ADAM23: variants seen among roughly 807,000 people sequenced by gnomAD.
ADAM23 encodes disintegrin and metalloproteinase domain-containing protein 23.
Under a neutral mutation model 120.1 loss-of-function variants are expected in ADAM23, and 33 were observed. The ratio of observed to expected loss-of-function variants is 0.27; its 90% confidence interval spans 0.21 to 0.37. The LOEUF (loss-of-function observed/expected upper bound fraction) is 0.37. ADAM23 is among the 10% of genes least tolerant of loss of function. ADAM23 has a pLI of 1.00. For missense variants in ADAM23, 862 were observed against 1,058.2 expected (o/e 0.81, Z 2.57); for synonymous variants, 367 against 375.2 (o/e 0.98, Z 0.25).
At chr2:206,560,401 G>C (rs762341987) in intron 11 of ADAM23, among the ~76,000 whole-genome samples, 3 of 151,844 alleles carry the variant, frequency 2.0e-5, no homozygotes, top group Admixed American at 2.0e-4. Context: ...TACTGGCAGC[G>C]GGCATGACAT....
At chr2:206,462,696 C>T (rs1695450915) in intron 2 of ADAM23, among the ~76,000 whole-genome samples, 1 of 152,040 alleles carries the variant, frequency 6.6e-6, no homozygotes, top group Admixed American at 6.6e-5. Context: ...GGAGCTCCTG[C>T]TTGGCATACA....
intron 2 of ADAM23, among the ~76,000 whole-genome samples, chr2:206,473,265 A>C (rs1401621245): frequency 6.6e-6 from 1 of 152,194 alleles, no homozygotes; most frequent in Non-Finnish European, 1.5e-5. Context: ...CTATTAAATA[A>C]ATCCTAGAAG....
chr2:206,530,594 C>T (rs892635575), intron 3 of ADAM23, among the ~76,000 whole-genome samples: 3 of 126,540 alleles, frequency 2.4e-5, no homozygotes, highest in Admixed American at 9.3e-5. Context: ...CCAGCCTGGG[C>T]GACAGGGCGA....
chr2:206,593,064 C>CTG (rs1698455696), intron 22 of ADAM23, among the ~76,000 whole-genome samples: 1 of 152,084 alleles, frequency 6.6e-6, no homozygotes, highest in African/African-American at 2.4e-5. Flanking sequence ...ATTTTGAACA[C>CTG]TGTGTGTGTA....
intron 3 of ADAM23, among the ~76,000 whole-genome samples, chr2:206,521,851 A>G (rs541846247): frequency 6.6e-6 from 1 of 152,142 alleles, no homozygotes; most frequent in Non-Finnish European, 1.5e-5. Context: ...TTTGATACCT[A>G]TTGCCAAATT....
At chr2:206,538,444 G>A (rs1428050618) in intron 4 of ADAM23, among the ~76,000 whole-genome samples, 1 of 152,150 alleles carries the variant, frequency 6.6e-6, no homozygotes, top group Non-Finnish European at 1.5e-5. Flanking sequence ...AATCATTTGA[G>A]TATAGTGTCA....
intron 3 of ADAM23, among the ~76,000 whole-genome samples, chr2:206,500,063 G>A (rs747990563): frequency 2.0e-5 from 3 of 152,032 alleles, no homozygotes; most frequent in East Asian, 1.9e-4. Context: ...AATATTGCAC[G>A]ACTTGTTTGA....
chr2:206,595,975 G>A (rs990621220), intron 23 of ADAM23, 76 bp from the exon 24 acceptor site: 10 of 1,154,540 alleles, frequency 8.7e-6, no homozygotes, highest in Admixed American at 2.4e-5. Flanking sequence ...CCCTGCCCCC[G>A]TGTCTCTTTT....
intron 3 of ADAM23, among the ~76,000 whole-genome samples, chr2:206,490,385 C>G (rs57851121): frequency 0.044 from 6,709 of 152,280 alleles, 510 homozygotes; most frequent in African/African-American, 0.15. Flanking sequence ...GTGAGACATT[C>G]AGCATTAAGT....
intron 3 of ADAM23, among the ~76,000 whole-genome samples, chr2:206,508,234 T>C (rs1011316400): frequency 2.6e-5 from 4 of 152,144 alleles, no homozygotes; most frequent in South Asian, 4.1e-4. Context: ...TTTCACCGTG[T>C]TAGCCAGGAT....
chr2:206,484,464 T>C (rs758863770), intron 3 of ADAM23, among the ~76,000 whole-genome samples: 22 of 152,194 alleles, frequency 1.4e-4, no homozygotes, highest in Non-Finnish European at 3.1e-4. Context: ...TGGAGTGCTT[T>C]GTCACTGCAG....
chr2:206,516,233 TAAAA>T (rs1192850018), intron 3 of ADAM23, among the ~76,000 whole-genome samples: 1 of 123,308 alleles, frequency 8.1e-6, no homozygotes, highest in African/African-American at 3.0e-5. Context: ...GCATTTTTAT[TAAAA>T]AAAAAAAAAA....
chr2:206,585,798 G>C (rs1341529198), intron 18 of ADAM23, among the ~76,000 whole-genome samples: 1 of 151,828 alleles, frequency 6.6e-6, no homozygotes, highest in Non-Finnish European at 1.5e-5. Context: ...TGAATTGTCA[G>C]TTGGTGATAA....
intron 3 of ADAM23, among the ~76,000 whole-genome samples, chr2:206,510,834 G>A (rs1379431582): frequency 6.6e-6 from 1 of 152,192 alleles, no homozygotes; most frequent in African/African-American, 2.4e-5. Context: ...GCCTTAGATG[G>A]TCATATGATT....
At chr2:206,564,981 C>G in intron 13 of ADAM23, 39 bp from the exon 14 acceptor site, 3 of 1,609,042 alleles carry the variant, frequency 1.9e-6, no homozygotes, top group Non-Finnish European at 2.5e-6. Flanking sequence ...TTCTTTGTTT[C>G]CTTTTTCTTC....
chr2:206,531,083 G>A (rs1459857465), intron 4 of ADAM23, 135 bp downstream of exon 4: 1 of 627,778 alleles, frequency 1.6e-6, no homozygotes, highest in African/African-American at 1.9e-5. Context: ...TATTTTTAGT[G>A]AGGAGAAATT....
chr2:206,469,211 G>T (rs1695605053), intron 2 of ADAM23, among the ~76,000 whole-genome samples: 1 of 152,022 alleles, frequency 6.6e-6, no homozygotes, highest in East Asian at 1.9e-4. Context: ...ACTCCACTTG[G>T]GTATGTAATG....
intron 1 of ADAM23, 145 bp from the exon 2 acceptor site, chr2:206,445,162 A>G: frequency 1.6e-6 from 1 of 644,740 alleles, no homozygotes; most frequent in South Asian, 2.0e-5. Flanking sequence ...CTCTAGCTCT[A>G]CTTCTTAACT....
At chr2:206,461,076 T>C (rs1450528322) in intron 2 of ADAM23, among the ~76,000 whole-genome samples, 12 of 150,476 alleles carry the variant, frequency 8.0e-5, no homozygotes. Context: ...TTTTTTTTTT[T>C]TTTTGAGATG....
Sources: allele counts gnomAD v4.1 joint callset (sites outside exome capture counted in the v4.1 genomes callset), GRCh38; gene constraint gnomAD v4.1.1; transcripts MANE v1.5; gene names NCBI Gene and HGNC (gene_info 2026-07-23, HGNC 2026-07-21).